Variants in SLC45A4 observed in about 807,000 individuals in gnomAD.
SLC45A4 encodes polyamine-transporter SLC45A4.
SLC45A4 carries 32 observed loss-of-function variants against 63.7 expected under a neutral mutation model. The observed-to-expected ratio is 0.50, with a 90% CI of 0.38 to 0.67. The LOEUF is 0.67. Among genes scored for constraint, SLC45A4 ranks in the 30% least tolerant of loss-of-function variants. The pLI, the probability that SLC45A4 is intolerant of heterozygous loss-of-function variation, is 0.00. For synonymous variants in SLC45A4, 535 were observed against 510.0 expected (o/e 1.05, Z -0.66); for missense variants, 1,027 against 1,157.7 (o/e 0.89, Z 1.64).
intron 7 of SLC45A4, among the ~76,000 whole-genome samples, chr8:141,214,981 G>GTGC (rs1300743337): frequency 1.3e-5 from 2 of 152,232 alleles, no homozygotes; most frequent in Non-Finnish European, 2.9e-5. Context: ...CGTTCATGCA[G>GTGC]TGCTACCTGT....
rs1825577900 is a variant in SLC45A4, at chr8:141,207,433, TC to T, written c.*4138del. On this transcript the variant is annotated 3_prime_UTR_variant, in exon 9 of 9. Transcript: ENST00000517878. ...AGAGAGTCATGAGCGACACGACACT[TC>T]CTTACGACCTCTCTCTCCTAAAACG... The T allele has an allele frequency of 1.3e-5, 2 of 152,232 alleles. No individual in the cohort carries two copies. The highest frequency in any genetic ancestry group is 4.8e-5 in the African/African-American group (2 of 41,438). 9.4% of individuals were successfully genotyped at this position (152,232 alleles called of 1,614,324 possible).
intron 1 of SLC45A4, chr8:141,292,996 GGTCA>G (rs1216572308): frequency 6.6e-6 from 1 of 152,244 alleles, no homozygotes; most frequent in African/African-American, 2.4e-5. Context: ...CCAGATTACA[GGTCA>G]GTCATCGGAA....
At position 141,222,415 on chromosome 8, in the gene SLC45A4, C is replaced by T. The variant is rs1284190417; in HGVS notation, c.242-650G>A. Among the ~76,000 whole-genome samples the T allele has an allele frequency of 3.3e-5, 5 of 152,210 alleles. No individual in the cohort carries two copies. In the East Asian group the frequency reaches 5.8e-4, roughly 18 times the overall value. ...CCAAGGGGTTGCAGATGGCACCTGT[C>T]ATGCTCACATTCTCCTTCCTGACCA... On this transcript the variant is annotated intron_variant, in intron 2 of 8. Coordinates refer to ENST00000517878, the MANE Select transcript of SLC45A4 (RefSeq NM_001286646.2).
At chr8:141,244,062 G>A (rs991836701) in intron 2 of SLC45A4, among the ~76,000 whole-genome samples, 15 of 152,082 alleles carry the variant, frequency 9.9e-5, no homozygotes, top group African/African-American at 3.6e-4. Context: ...CTGCTCAAGG[G>A]TCAGCTGTAT....
chr8:141,212,187 C>A lies in SLC45A4; in HGVS notation c.2301+10G>T, dbSNP rs762336624. 5.2e-6 allele frequency: 6 copies of A among 1,153,140 alleles called. No homozygotes were observed. Among genetic ancestry groups the A allele is most frequent in the Non-Finnish European group, 6.5e-6 (6 of 921,354 alleles). 71.4% of individuals were successfully genotyped at this position (1,153,140 alleles called of 1,614,324 possible). A position where few individuals can be genotyped will look rare whatever the true frequency, so the allele number is the denominator to read the frequency against. ...ACTGGAATGTGTGTAAACGGGAGTGCGGCTCAGACCACGGACTCTGTCTCC... is the reference window on the plus strand; with the variant it reads ...ACTGGAATGTGTGTAAACGGGAGTGAGGCTCAGACCACGGACTCTGTCTCC... On this transcript the variant is annotated intron_variant, in intron 8 of 8. Coordinates refer to ENST00000517878, the MANE Select transcript of SLC45A4 (RefSeq NM_001286646.2).
At chr8:141,232,414 A>G (rs1222135899) in intron 2 of SLC45A4, among the ~76,000 whole-genome samples, 1 of 152,240 alleles carries the variant, frequency 6.6e-6, no homozygotes, top group African/African-American at 2.4e-5. Flanking sequence ...AGCTTTGATT[A>G]TAACAGATGG....
chr8:141,247,944 G>A (rs755098302), intron 2 of SLC45A4, among the ~76,000 whole-genome samples: 44 of 152,192 alleles, frequency 2.9e-4, no homozygotes, highest in Non-Finnish European at 4.7e-4. Flanking sequence ...CAATTTCCAC[G>A]TGCCAGATGG....
intron 7 of SLC45A4, among the ~76,000 whole-genome samples, chr8:141,214,807 A>G (rs1826040300): frequency 6.6e-6 from 1 of 152,220 alleles, no homozygotes; most frequent in African/African-American, 2.4e-5. Context: ...GGCACTGCAC[A>G]GAGGGGCGGG....
chr8:141,221,037 A>G (rs1282976882), intron 3 of SLC45A4, among the ~76,000 whole-genome samples: 1 of 152,250 alleles, frequency 6.6e-6, no homozygotes, highest in Non-Finnish European at 1.5e-5. Flanking sequence ...CTCCCTCCGC[A>G]TCAGTGCAGG....
chr8:141,259,986 G>A (rs894074982), intron 1 of SLC45A4, among the ~76,000 whole-genome samples: 3 of 152,112 alleles, frequency 2.0e-5, no homozygotes, highest in African/African-American at 7.2e-5. Context: ...CAGGTGCCCC[G>A]GGTGACCAGC....
chr8:141,246,449 GC>G (rs1828197983), intron 2 of SLC45A4, among the ~76,000 whole-genome samples: 1 of 25,092 alleles, frequency 4.0e-5, no homozygotes, highest in Non-Finnish European at 9.6e-5. Flanking sequence ...TCAGTTATTT[GC>G]CATATGGGTC....
At chr8:141,219,057 A>G in intron 4 of SLC45A4, 28 bp from the exon 5 acceptor site, 3 of 1,590,246 alleles carry the variant, frequency 1.9e-6, no homozygotes, top group Non-Finnish European at 2.6e-6. Flanking sequence ...GCAGCCGGTG[A>G]GCCGGTGGCA....
chr8:141,290,879 C>T (rs1162863435), intron 1 of SLC45A4, among the ~76,000 whole-genome samples: 1 of 152,228 alleles, frequency 6.6e-6, no homozygotes, highest in Non-Finnish European at 1.5e-5. Flanking sequence ...GACTGGGTCT[C>T]ACTCTGTCAC....
chr8:141,235,509 C>T (rs1027452375), intron 2 of SLC45A4, among the ~76,000 whole-genome samples: 20 of 152,154 alleles, frequency 1.3e-4, no homozygotes, highest in Non-Finnish European at 2.2e-4. Flanking sequence ...ACGATTCTAA[C>T]GTAAAGCTTA....
intron 1 of SLC45A4, among the ~76,000 whole-genome samples, chr8:141,291,482 C>A (rs1830344779): frequency 6.6e-6 from 1 of 151,908 alleles, no homozygotes; most frequent in South Asian, 2.1e-4. Context: ...AAAGGGGGGG[C>A]AAATAGAAAC....
chr8:141,290,039 A>G (rs1341163131), intron 1 of SLC45A4, among the ~76,000 whole-genome samples: 1 of 151,696 alleles, frequency 6.6e-6, no homozygotes, highest in Non-Finnish European at 1.5e-5. Flanking sequence ...AAAGAAGTAA[A>G]AAGCAAAAAA....
intron 2 of SLC45A4, among the ~76,000 whole-genome samples, chr8:141,233,491 G>A (rs148437051): frequency 1.5e-3 from 229 of 152,186 alleles, no homozygotes; most frequent in African/African-American, 5.2e-3. Context: ...AGATCAGCCT[G>A]GCCAACATGG....
At position 141,215,992 on chromosome 8, in the gene SLC45A4, C is replaced by T; in HGVS notation, c.1730-22G>A. On this transcript the variant is annotated intron_variant, in intron 6 of 8. Transcript: ENST00000517878. This position sits in a 1 kb window ranked among gnomAD's most constrained non-coding sequence, Gnocchi z 4.3. ...AGGGCTGCAGAGAGGGGCACAGGGACAAGGACAGTGGGCAGGCGGCTGGCT... is the reference window on the plus strand; with the variant it reads ...AGGGCTGCAGAGAGGGGCACAGGGATAAGGACAGTGGGCAGGCGGCTGGCT... 6.2e-7 allele frequency: 1 copy of T among 1,607,004 alleles called. No homozygotes were observed.
At position 141,229,979 on chromosome 8, in the gene SLC45A4, GCT is replaced by G. The variant is rs1197811912; in HGVS notation, c.242-8216_242-8215del. On this transcript the variant is annotated intron_variant, in intron 2 of 8. Transcript: ENST00000517878. The surrounding 1 kb of genome is among the most constrained non-coding windows in gnomAD (Gnocchi z 5.0). ...CTGCCTGCACTCCCGAGGCCGTGGT[GCT>G]CTGATGACATCCATGGGCAGTGAGT... 5 of 447,650 alleles carry G rather than the reference GCT, an allele frequency of 1.1e-5. No individual in the cohort carries two copies. Among genetic ancestry groups the G allele is most frequent in the Non-Finnish European group, 2.3e-5 (5 of 221,984 alleles). The allele number at this position is 447,650 out of a possible 1,614,324, so 27.7% of individuals were successfully genotyped here.
Sources: gnomAD v4.1 joint callset for allele counts (sites outside exome capture counted in the v4.1 genomes callset) on GRCh38, gnomAD v4.1.1 for gene constraint, Gnocchi (gnomAD v3.1) non-coding constraint, MANE v1.5 for transcripts, NCBI Gene and HGNC (gene_info 2026-07-23, HGNC 2026-07-21) for gene names.